Variants in LRRC4C observed in about 807,000 individuals in gnomAD.
LRRC4C encodes the protein leucine-rich repeat-containing protein 4C.
In LRRC4C, 5 loss-of-function variants were observed where a neutral mutation model predicts 33.6. That is an observed-to-expected ratio of 0.15 (90% CI 0.08 to 0.31). The LOEUF (loss-of-function observed/expected upper bound fraction) is 0.31. Ranked by LOEUF, LRRC4C falls within the 10% of genes least tolerant of loss-of-function variation. The pLI is 1.00. For missense variants in LRRC4C, 560 were observed against 796.7 expected (o/e 0.70, Z 3.58); for synonymous variants, 329 against 302.0 (o/e 1.09, Z -0.93).
intron 1 of LRRC4C, among the ~76,000 whole-genome samples, chr11:40,951,231 A>C (rs1246421311): frequency 1.3e-5 from 2 of 151,974 alleles, no homozygotes; most frequent in African/African-American, 4.8e-5. Flanking sequence ...TCTCAAATTA[A>C]AAGCTATAAA....
chr11:41,446,226 C>A (rs1955822306), intron 1 of LRRC4C, among the ~76,000 whole-genome samples: 1 of 152,160 alleles, frequency 6.6e-6, no homozygotes, highest in Admixed American at 6.5e-5. Context: ...TATTCCTGCC[C>A]CAGCTTAAAT....
At chr11:40,356,571 C>T (rs1947681660) in intron 3 of LRRC4C, among the ~76,000 whole-genome samples, 2 of 152,038 alleles carry the variant, frequency 1.3e-5, no homozygotes, top group Non-Finnish European at 1.5e-5. Flanking sequence ...GGGGTCTTGC[C>T]TGGGTCATTA....
intron 1 of LRRC4C, among the ~76,000 whole-genome samples, chr11:40,964,430 T>A (rs959070920): frequency 1.3e-5 from 2 of 151,936 alleles, no homozygotes; most frequent in African/African-American, 4.8e-5. Flanking sequence ...GCAGGTTTGT[T>A]ACATATGTAA....
chr11:40,391,534 G>A (rs942810199), intron 3 of LRRC4C, among the ~76,000 whole-genome samples: 1 of 152,170 alleles, frequency 6.6e-6, no homozygotes, highest in Non-Finnish European at 1.5e-5. Flanking sequence ...CCAAAGGTAA[G>A]CCACTTCTCC....
At chr11:41,047,938 C>T (rs748592786) in intron 1 of LRRC4C, among the ~76,000 whole-genome samples, 1 of 152,140 alleles carries the variant, frequency 6.6e-6, no homozygotes, top group Non-Finnish European at 1.5e-5. Context: ...CCCATCTCTT[C>T]TCCAGAGGTT....
At chr11:41,307,914 T>C (rs768687309) in intron 1 of LRRC4C, among the ~76,000 whole-genome samples, 4 of 152,180 alleles carry the variant, frequency 2.6e-5, no homozygotes, top group Non-Finnish European at 4.4e-5. Context: ...GGAATGGTAA[T>C]GAGCAGACCT....
chr11:41,010,502 T>C (rs1855093393), intron 1 of LRRC4C, among the ~76,000 whole-genome samples: 1 of 152,148 alleles, frequency 6.6e-6, no homozygotes, highest in Non-Finnish European at 1.5e-5. Context: ...GATAATTTTG[T>C]GTAAATAGAG....
intron 1 of LRRC4C, among the ~76,000 whole-genome samples, chr11:41,290,788 G>C (rs1949970580): frequency 6.6e-6 from 1 of 152,090 alleles, no homozygotes; most frequent in African/African-American, 2.4e-5. Context: ...TAGGTTTATG[G>C]AGAGAGATTA....
intron 2 of LRRC4C, among the ~76,000 whole-genome samples, chr11:40,739,695 C>T (rs556734032): frequency 1.2e-4 from 18 of 151,940 alleles, no homozygotes; most frequent in Admixed American, 5.3e-4. Context: ...ATATCTGATA[C>T]GGTTATAAGC....
intron 3 of LRRC4C, among the ~76,000 whole-genome samples, chr11:40,587,933 TTC>T (rs2135709415): frequency 6.6e-6 from 1 of 152,284 alleles, no homozygotes; most frequent in Non-Finnish European, 1.5e-5. Context: ...TGGTCTAAAA[TTC>T]TCTTTTTTGG....
chr11:40,496,497 C>A (rs1954466104), intron 3 of LRRC4C, among the ~76,000 whole-genome samples: 4 of 152,040 alleles, frequency 2.6e-5, no homozygotes, highest in Admixed American at 6.6e-5. Flanking sequence ...AAACCTATTT[C>A]ATATTCTTGG....
chr11:41,219,128 G>A (rs1467964929), intron 1 of LRRC4C, among the ~76,000 whole-genome samples: 2 of 152,048 alleles, frequency 1.3e-5, no homozygotes, highest in African/African-American at 4.8e-5. Context: ...TTGAGACTGG[G>A]GTGAGCTGAC....
intron 1 of LRRC4C, among the ~76,000 whole-genome samples, chr11:41,225,304 AT>A (rs1344369531): frequency 1.3e-5 from 2 of 152,154 alleles, no homozygotes; most frequent in African/African-American, 4.8e-5. Flanking sequence ...TACAAACTGG[AT>A]TGTTTGTAAC....
At chr11:41,375,553 A>G (rs950969318) in intron 1 of LRRC4C, among the ~76,000 whole-genome samples, 2 of 152,182 alleles carry the variant, frequency 1.3e-5, no homozygotes, top group Admixed American at 1.3e-4. Context: ...AGTTTCAGTC[A>G]TTATTTATTC....
intron 1 of LRRC4C, among the ~76,000 whole-genome samples, chr11:41,259,245 A>G (rs1229030336): frequency 6.6e-6 from 1 of 151,992 alleles, no homozygotes; most frequent in Non-Finnish European, 1.5e-5. Context: ...CCACATAAAG[A>G]ACATTTTCAA....
In LRRC4C at chr11:40,580,058, GGTGTGT is replaced by G. The variant is rs72110597; in HGVS notation, c.-270+68078_-270+68083del. On this transcript the variant is annotated intron_variant, in intron 3 of 6. Transcript: ENST00000528697. ...CTGTTTTGTTCAAGGGTACTTTTCA[GGTGTGT>G]GTGTGTGTGTGTGTGTGTGTGTGCC... Among the ~76,000 whole-genome samples, 12 of 145,516 alleles carry G rather than the reference GGTGTGT, an allele frequency of 8.2e-5. No individual in the cohort carries two copies. The South Asian group carries it at 8.9e-4, about 11-fold the overall frequency.
chr11:40,929,297 A>G (rs1957514991), intron 2 of LRRC4C, among the ~76,000 whole-genome samples: 1 of 152,202 alleles, frequency 6.6e-6, no homozygotes, highest in East Asian at 1.9e-4. Context: ...AAAAGAGTTT[A>G]ACTTACTCAG....
intron 1 of LRRC4C, among the ~76,000 whole-genome samples, chr11:40,978,919 A>C (rs113566878): frequency 1.3e-5 from 2 of 152,060 alleles, no homozygotes; most frequent in Non-Finnish European, 2.9e-5. Context: ...GGGGTGAGCC[A>C]TCATGCCTCA....
At chr11:41,203,385 C>T (rs921933753) in intron 1 of LRRC4C, among the ~76,000 whole-genome samples, 6 of 152,176 alleles carry the variant, frequency 3.9e-5, no homozygotes, top group South Asian at 2.1e-4. Flanking sequence ...AATACTGGAC[C>T]GTTTTAAATG....
Sources: allele counts gnomAD v4.1 joint callset (sites outside exome capture counted in the v4.1 genomes callset), GRCh38; gene constraint gnomAD v4.1.1; transcripts MANE v1.5; gene names NCBI Gene and HGNC (gene_info 2026-07-23, HGNC 2026-07-21).